Variants in CLIC4 observed in about 807,000 individuals in gnomAD.
The protein encoded by CLIC4 is chloride intracellular channel protein 4.
In CLIC4, 13 loss-of-function variants were observed where a neutral mutation model predicts 24.6. The observed-to-expected ratio is 0.53, with a 90% confidence interval of 0.34 to 0.84. CLIC4 has a LOEUF of 0.84. CLIC4 is among the 40% of genes least tolerant of loss of function. The pLI, the probability that CLIC4 is intolerant of heterozygous loss-of-function variation, is 0.01. For synonymous variants in CLIC4, 104 were observed against 111.3 expected, an observed-to-expected ratio of 0.93 and a Z score of 0.41; for missense variants, 227 against 301.7, an observed-to-expected ratio of 0.75 and a Z score of 1.83.
At chr1:24,801,609 T>G (rs1429806244) in intron 2 of CLIC4, among the ~76,000 whole-genome samples, 1 of 152,338 alleles carries the variant, frequency 6.6e-6, no homozygotes, top group Non-Finnish European at 1.5e-5. Context: ...TGACAGCCTA[T>G]CACTTGATAA....
chr1:24,788,946 C>G (rs1169537230), intron 1 of CLIC4, among the ~76,000 whole-genome samples: 1 of 152,348 alleles, frequency 6.6e-6, no homozygotes, highest in South Asian at 2.1e-4. Flanking sequence ...AAAGCTGTGG[C>G]TCCATCCTCA....
intron 2 of CLIC4, among the ~76,000 whole-genome samples, chr1:24,808,935 C>T (rs761639889): frequency 3.2e-4 from 48 of 152,220 alleles, no homozygotes; most frequent in Non-Finnish European, 6.5e-4. Flanking sequence ...GCCTCGGCCT[C>T]CCAAAGTGTT....
At chr1:24,806,397 G>A (rs1005458741) in intron 2 of CLIC4, among the ~76,000 whole-genome samples, 5 of 152,102 alleles carry the variant, frequency 3.3e-5, no homozygotes, top group East Asian at 1.9e-4. Context: ...CTACTAATAC[G>A]TTTGAAGGCA....
At chr1:24,827,582 T>C (rs753792220) in intron 4 of CLIC4, among the ~76,000 whole-genome samples, 10 of 151,054 alleles carry the variant, frequency 6.6e-5, no homozygotes, top group Non-Finnish European at 1.3e-4. Context: ...GTTTTTGTTG[T>C]TGTTGTTTTT....
chr1:24,800,778 G>A (rs1296472242), intron 2 of CLIC4, among the ~76,000 whole-genome samples: 1 of 152,170 alleles, frequency 6.6e-6, no homozygotes, highest in Non-Finnish European at 1.5e-5. Flanking sequence ...CCAACCCTGT[G>A]CTCTCTGAAA....
At chr1:24,758,982 G>A (rs1377244131) in intron 1 of CLIC4, among the ~76,000 whole-genome samples, 1 of 152,056 alleles carries the variant, frequency 6.6e-6, no homozygotes, top group Non-Finnish European at 1.5e-5. Context: ...TTTTATAAAA[G>A]AAACTCAGAT....
intron 1 of CLIC4, among the ~76,000 whole-genome samples, chr1:24,788,433 T>C (rs1223812324): frequency 6.6e-6 from 1 of 152,220 alleles, no homozygotes; most frequent in African/African-American, 2.4e-5. Flanking sequence ...ACATTTCATA[T>C]AAATGGTATC....
rs1639926991 is a variant in CLIC4 at position 24,840,017 on chromosome 1, G to A, written c.573G>A (p.Leu191=). 6.2e-7 allele frequency: 1 copy of A among 1,613,942 alleles called. No individual in the cohort carries two copies. Among genetic ancestry groups the A allele is most frequent in the South Asian group, 1.1e-5 (1 of 91,076 alleles). Residue 191 remains leucine, a synonymous_variant, in exon 5 of 6, where the codon CTG becomes CTA. Coordinates refer to ENST00000374379, the MANE Select transcript of CLIC4 (RefSeq NM_013943.3). ...GNEMTLADCN[L]LPKLHIVKVV... is the part of the protein sequence containing the mutation. ...AAATGACATTAGCTGATTGCAACCT[G>A]CTGCCCAAACTGCATATTGTCAAGG...
At position 24,808,678 on chromosome 1, in the gene CLIC4, A is replaced by ATT. The variant is rs35508226; in HGVS notation, c.183-5401_183-5400dup. On this transcript the variant is annotated intron_variant, in intron 2 of 5. Transcript: ENST00000374379. ...GGAGATCTATCTATCTATCTATAAA[A>ATT]TTTTTTTTTTTTTTTTGAGATGGAG... Among the ~76,000 whole-genome samples, 217 of 138,324 alleles carry ATT rather than the reference A, an allele frequency of 1.6e-3. 3 individuals carry two copies. Among genetic ancestry groups the ATT allele is most frequent in the East Asian group, 7.4e-3 (35 of 4,758 alleles). The allele number at this position is 138,324 out of a possible 152,430, so 90.7% of individuals were successfully genotyped here. A position where few individuals can be genotyped will look rare whatever the true frequency, so the allele number is the denominator to read the frequency against.
At chr1:24,813,704 C>T (rs548363096) in intron 2 of CLIC4, among the ~76,000 whole-genome samples, 3 of 151,850 alleles carry the variant, frequency 2.0e-5, no homozygotes, top group African/African-American at 7.2e-5. Flanking sequence ...CAGACATGAG[C>T]CACCATGCCC....
intron 1 of CLIC4, among the ~76,000 whole-genome samples, chr1:24,747,940 G>T (rs1172845835): frequency 4.0e-5 from 6 of 151,290 alleles, no homozygotes; most frequent in Non-Finnish European, 7.4e-5. Flanking sequence ...CATGAGAATC[G>T]CTTGAACCGG....
chr1:24,760,026 G>A (rs1432519693), intron 1 of CLIC4, among the ~76,000 whole-genome samples: 3 of 152,034 alleles, frequency 2.0e-5, no homozygotes, highest in Non-Finnish European at 4.4e-5. Context: ...TGTTATATCT[G>A]CTAATTTTGA....
chr1:24,795,732 G>A (rs947549679), intron 1 of CLIC4, among the ~76,000 whole-genome samples: 1 of 152,114 alleles, frequency 6.6e-6, no homozygotes, highest in African/African-American at 2.4e-5. Flanking sequence ...ACAACGCCTG[G>A]CTAATTTTTG....
rs1639964618 is a variant in CLIC4 at position 24,843,552 on chromosome 1, G to C, written c.*2615G>C. ...AGCAGTTGGAAAGCTCTCTATTCTA[G>C]TTGATAAAACTTCCCTTTTTTGATG... is the stretch of plus-strand genomic sequence containing the variant. On this transcript the variant is annotated 3_prime_UTR_variant, in exon 6 of 6. Coordinates refer to ENST00000374379, the MANE Select transcript of CLIC4 (RefSeq NM_013943.3). 2.0e-5 allele frequency: 3 copies of C among 152,168 alleles called. No individual in the cohort carries two copies. The highest frequency in any genetic ancestry group is 6.5e-5 in the Admixed American group (1 of 15,282). 9.4% of individuals were successfully genotyped at this position (152,168 alleles called of 1,614,324 possible).
At chr1:24,774,468 ATTG>A (rs1233562061) in intron 1 of CLIC4, among the ~76,000 whole-genome samples, 3 of 152,008 alleles carry the variant, frequency 2.0e-5, no homozygotes, top group South Asian at 2.1e-4. Context: ...GTTGATTTTT[ATTG>A]TTGTTATTGT....
chr1:24,824,186 T>C (rs1198566538), intron 3 of CLIC4, among the ~76,000 whole-genome samples: 4 of 152,270 alleles, frequency 2.6e-5, no homozygotes, highest in Admixed American at 1.3e-4. Context: ...ATTTATCTTT[T>C]AGAGATAATC....
chr1:24,828,880 TATTAA>T (rs1639813073), intron 4 of CLIC4, among the ~76,000 whole-genome samples: 1 of 152,206 alleles, frequency 6.6e-6, no homozygotes, highest in East Asian at 1.9e-4. Context: ...GAAGGCTTTA[TATTAA>T]ATTACCTGCT....
chr1:24,766,161 C>T (rs377121635), intron 1 of CLIC4, among the ~76,000 whole-genome samples: 104 of 152,122 alleles, frequency 6.8e-4, no homozygotes, highest in African/African-American at 2.0e-3. Flanking sequence ...CGTGCCACCA[C>T]GCCCAGCTAA....
chr1:24,829,105 C>T (rs765650551), intron 4 of CLIC4, among the ~76,000 whole-genome samples: 9 of 152,118 alleles, frequency 5.9e-5, no homozygotes, highest in Non-Finnish European at 1.2e-4. Context: ...TTCCCCCAAC[C>T]CCCACCCAGA....
Sources: gnomAD v4.1 joint callset for allele counts (sites outside exome capture counted in the v4.1 genomes callset) on GRCh38, gnomAD v4.1.1 for gene constraint, MANE v1.5 for transcripts, NCBI Gene and HGNC (gene_info 2026-07-23, HGNC 2026-07-21) for gene names.